The following SLC17A5 variants were observed in gnomAD, a reference collection of about 807,000 sequenced individuals.
SLC17A5 encodes the protein sialin.
In SLC17A5, 47 loss-of-function variants were observed where a neutral mutation model predicts 59.4. That is an observed-to-expected ratio of 0.79 (90% CI 0.63 to 1.01). SLC17A5 has a LOEUF of 1.01. Ranked by LOEUF, SLC17A5 falls within the 50% of genes least tolerant of loss-of-function variation. The pLI, the probability that SLC17A5 is intolerant of heterozygous loss-of-function variation, is 0.00. For missense variants in SLC17A5, 522 were observed against 595.5 expected (o/e 0.88, Z 1.28); for synonymous variants, 202 against 210.7 (o/e 0.96, Z 0.36).
chr6:73,594,876 A>T lies in SLC17A5; in HGVS notation c.*201T>A. On this transcript the variant is annotated 3_prime_UTR_variant, in exon 11 of 11. Coordinates refer to ENST00000355773, the MANE Select transcript of SLC17A5 (RefSeq NM_012434.5). ...TATGTGAACCTAAAGTAGAAGTCCT[A>T]GCTTACATATTATTCATAATTAAAC... 1 of 609,516 alleles carries T rather than the reference A, an allele frequency of 1.6e-6. No individual in the cohort carries two copies. The highest frequency in any genetic ancestry group is 2.8e-6 in the Non-Finnish European group (1 of 353,064). 37.8% of individuals were successfully genotyped at this position (609,516 alleles called of 1,614,324 possible). A position where few individuals can be genotyped will look rare whatever the true frequency, so the allele number is the denominator to read the frequency against.
intron 9 of SLC17A5, 85 bp from the exon 10 acceptor site, chr6:73,600,526 T>G (rs1639074049): frequency 1.3e-6 from 1 of 778,468 alleles, no homozygotes; most frequent in Non-Finnish European, 2.0e-6. Flanking sequence ...TTTTTTTTTT[T>G]GAGACAGAGT....
chr6:73,621,776 TAA>T (rs1200456497), intron 7 of SLC17A5, 26 bp downstream of exon 7: 5 of 1,539,164 alleles, frequency 3.2e-6, no homozygotes, highest in Non-Finnish European at 3.6e-6. Context: ...ACTATATATA[TAA>T]GAAGCAGATG....
At chr6:73,597,937 G>A (rs1009823972) in intron 10 of SLC17A5, among the ~76,000 whole-genome samples, 1 of 152,122 alleles carries the variant, frequency 6.6e-6, no homozygotes, top group African/African-American at 2.4e-5. Context: ...CCCTGTGGTG[G>A]CTATACTTGT....
At chr6:73,624,783 G>A (rs1319528587) in intron 6 of SLC17A5, among the ~76,000 whole-genome samples, 2 of 152,086 alleles carry the variant, frequency 1.3e-5, no homozygotes, top group Non-Finnish European at 2.9e-5. Context: ...TGAGGCAGGA[G>A]AATCGCTTGA....
intron 1 of SLC17A5, among the ~76,000 whole-genome samples, chr6:73,650,507 C>CAAA (rs999445559): frequency 2.0e-4 from 7 of 35,526 alleles, no homozygotes; most frequent in Non-Finnish European, 3.2e-4. Context: ...GACTCCGTCT[C>CAAA]AAAAAAAAAA....
intron 1 of SLC17A5, among the ~76,000 whole-genome samples, chr6:73,647,458 G>C (rs557996848): frequency 6.6e-6 from 1 of 152,294 alleles, no homozygotes; most frequent in East Asian, 1.9e-4. Context: ...TAAGTGAAGG[G>C]GAGGGATGAA....
chr6:73,642,579 A>C (rs1385851396), intron 2 of SLC17A5, among the ~76,000 whole-genome samples: 1 of 152,244 alleles, frequency 6.6e-6, no homozygotes, highest in East Asian at 1.9e-4. Flanking sequence ...AACAATTCCA[A>C]AGAGCAAGAA....
Position 73,644,552 on chromosome 6 carries a change from C to A in SLC17A5, c.146G>T (p.Gly49Val), listed in dbSNP as rs754877029. The A allele has an allele frequency of 1.2e-6, 2 of 1,613,888 alleles. No individual in the cohort carries two copies. Among genetic ancestry groups the A allele is most frequent in the Non-Finnish European group, 1.7e-6 (2 of 1,179,986 alleles). ...RYNLAILAFF[G>V]FFIVYALRVN... ...ACGTAATGCATACACAATGAAGAAA[C>A]CAAAAAAGGCCAAAATTGCTAAGTT... Residue 49 changes from glycine (G) to valine (V), a missense_variant, in exon 2 of 11, where the codon GGT becomes GTT. By Grantham distance (109) the Gly-to-Val change is moderately radical. Coordinates refer to ENST00000355773, the MANE Select transcript of SLC17A5 (RefSeq NM_012434.5).
intron 9 of SLC17A5, among the ~76,000 whole-genome samples, chr6:73,606,191 C>T (rs60551677): frequency 0.11 from 16,298 of 151,708 alleles, 1,055 homozygotes; most frequent in Middle Eastern, 0.18. Context: ...TATAGTCGCC[C>T]GCCACCACAC....
chr6:73,613,100 G>A (rs1218262488), intron 8 of SLC17A5, among the ~76,000 whole-genome samples: 1 of 152,020 alleles, frequency 6.6e-6, no homozygotes, highest in Non-Finnish European at 1.5e-5. Flanking sequence ...TTATTTATGG[G>A]TTCTTTGAGT....
At chr6:73,622,667 G>T (rs625086) in intron 6 of SLC17A5, among the ~76,000 whole-genome samples, 24,606 of 152,012 alleles carry the variant, frequency 0.16, 3,049 homozygotes, top group African/African-American at 0.34. Flanking sequence ...GAGATTGGAA[G>T]GTCCTGTTAG....
intron 9 of SLC17A5, among the ~76,000 whole-genome samples, chr6:73,607,636 C>T (rs1166009759): frequency 6.6e-6 from 1 of 152,000 alleles, no homozygotes; most frequent in Non-Finnish European, 1.5e-5. Flanking sequence ...CAGGGGGGGC[C>T]CTCATCAGAT....
At chr6:73,613,562 C>A (rs1294644199) in intron 8 of SLC17A5, among the ~76,000 whole-genome samples, 1 of 152,064 alleles carries the variant, frequency 6.6e-6, no homozygotes, top group African/African-American at 2.4e-5. Flanking sequence ...CAGGGTTTCA[C>A]CATGTTGGTC....
chr6:73,627,757 A>C (rs555957), intron 6 of SLC17A5, among the ~76,000 whole-genome samples: 24,679 of 150,888 alleles, frequency 0.16, 3,109 homozygotes, highest in African/African-American at 0.35. Context: ...GCCTCCTGAG[A>C]AGCTGGGATT....
At chr6:73,604,395 G>C (rs935200199) in intron 9 of SLC17A5, among the ~76,000 whole-genome samples, 13 of 152,160 alleles carry the variant, frequency 8.5e-5, no homozygotes, top group Admixed American at 2.6e-4. Flanking sequence ...GGAATTAATA[G>C]CTGAAAATCT....
At position 73,593,724 on chromosome 6, in the gene SLC17A5, A is replaced by C. The variant is rs1766672856; in HGVS notation, c.*1353T>G. 1 of 152,198 alleles carries C rather than the reference A, an allele frequency of 6.6e-6. No individual in the cohort carries two copies. The highest frequency in any genetic ancestry group is 1.5e-5 in the Non-Finnish European group (1 of 68,038). The allele number at this position is 152,198 out of a possible 1,614,324, so 9.4% of individuals were successfully genotyped here. ...CACAAACTTAGATGAAGACAGACTG[A>C]ACAAACAGTGAGAATTAATTAAAAA... On this transcript the variant is annotated 3_prime_UTR_variant, in exon 11 of 11. Coordinates refer to ENST00000355773, the MANE Select transcript of SLC17A5 (RefSeq NM_012434.5).
chr6:73,624,537 AT>A (rs1364026702), intron 6 of SLC17A5, among the ~76,000 whole-genome samples: 1 of 152,286 alleles, frequency 6.6e-6, no homozygotes, highest in Admixed American at 6.5e-5. Context: ...TTCTGTATAT[AT>A]TTTATGATAT....
chr6:73,605,074 G>GGCT (rs138092331), intron 9 of SLC17A5, among the ~76,000 whole-genome samples: 1 of 151,802 alleles, frequency 6.6e-6, no homozygotes, highest in African/African-American at 2.4e-5. Flanking sequence ...TGAACTGCTG[G>GGCT]GCCCAAACGA....
chr6:73,641,432 T>C (rs945600383), intron 3 of SLC17A5, among the ~76,000 whole-genome samples: 4 of 152,304 alleles, frequency 2.6e-5, no homozygotes, highest in East Asian at 1.9e-4. Flanking sequence ...GTATGAGCTA[T>C]GAAGTCTCTT....
Sources: gnomAD v4.1 joint callset for allele counts (sites outside exome capture counted in the v4.1 genomes callset) on GRCh38, gnomAD v4.1.1 for gene constraint, MANE v1.5 for transcripts, NCBI Gene and HGNC (gene_info 2026-07-23, HGNC 2026-07-21) for gene names.